The following TPO variants were observed in gnomAD, a reference collection of about 807,000 sequenced individuals.
The protein encoded by TPO is thyroid microsomal antigen.
In TPO, 78 loss-of-function variants were observed where a neutral mutation model predicts 96.9. The observed-to-expected ratio is 0.81, with a 90% CI of 0.67 to 0.97. The LOEUF is 0.97. Among genes scored for constraint, TPO ranks in the 50% least tolerant of loss-of-function variants. TPO has a pLI of 0.00. For missense variants in TPO, 1,252 were observed against 1,274.8 expected, an observed-to-expected ratio of 0.98 and a Z score of 0.27; for synonymous variants, 547 against 538.0, an observed-to-expected ratio of 1.02 and a Z score of -0.23.
intron 5 of TPO, among the ~76,000 whole-genome samples, chr2:1,440,169 TGCTGCGTTTCCAC>T (rs1666023616): frequency 1.3e-5 from 2 of 148,966 alleles, no homozygotes; most frequent in African/African-American, 5.2e-5. Context: ...GTTTCCACCG[TGCTGCGTTTCCAC>T]CGTGCTGCAT....
At chr2:1,511,257 C>A (rs796268304) in intron 14 of TPO, among the ~76,000 whole-genome samples, 554 of 43,802 alleles carry the variant, frequency 0.013, 66 homozygotes, top group South Asian at 0.041. Flanking sequence ...TGCCACAGCG[C>A]AGCCCTGCAG....
chr2:1,420,731 G>T (rs1663426662), intron 2 of TPO, among the ~76,000 whole-genome samples: 1 of 152,122 alleles, frequency 6.6e-6, no homozygotes, highest in Non-Finnish European at 1.5e-5. Flanking sequence ...GGTGACAGCA[G>T]GAGGGACAGA....
chr2:1,515,615 G>C (rs368798962), intron 14 of TPO, among the ~76,000 whole-genome samples: 11 of 152,164 alleles, frequency 7.2e-5, no homozygotes, highest in East Asian at 5.8e-4. Context: ...GGCTGGGAAA[G>C]ACCCATGATA....
intron 15 of TPO, among the ~76,000 whole-genome samples, chr2:1,524,191 CCTGTGTGCAACCTCCTCAAATCCACCCCA>C (rs1330437558): frequency 1.6e-3 from 195 of 124,882 alleles, no homozygotes; most frequent in African/African-American, 5.7e-3. Flanking sequence ...AAATCCCCAT[CCTGTGTGCAACCTCCTCAAATCCACCCCA>C]CTGTGTGCAA....
At chr2:1,532,249 T>TG (rs1344744650) in intron 15 of TPO, among the ~76,000 whole-genome samples, 1 of 13,614 alleles carries the variant, frequency 7.3e-5, no homozygotes, top group African/African-American at 2.9e-4. Context: ...TGCAACCTCC[T>TG]CAAATCCCCC....
chr2:1,540,867 GTTTT>G, intron 16 of TPO, 144 bp downstream of exon 16: 1 of 1,553,288 alleles, frequency 6.4e-7, no homozygotes, highest in Non-Finnish European at 8.7e-7. Context: ...CCTCCGGGAG[GTTTT>G]ATTTACAAGC....
intron 12 of TPO, 79 bp from the exon 13 acceptor site, chr2:1,496,516 G>A (rs936247878): frequency 2.6e-5 from 41 of 1,594,938 alleles, no homozygotes; most frequent in Admixed American, 3.4e-5. Flanking sequence ...GGGCACAAGC[G>A]CACCCGTGAC....
At chr2:1,436,668 A>G (rs1238838493) in intron 5 of TPO, among the ~76,000 whole-genome samples, 3 of 152,196 alleles carry the variant, frequency 2.0e-5, no homozygotes, top group Non-Finnish European at 4.4e-5. Flanking sequence ...CCTTCACCTA[A>G]GAGCTCAAGC....
At chr2:1,461,546 TGAAAA>T (rs1249506630) in intron 7 of TPO, among the ~76,000 whole-genome samples, 6 of 151,774 alleles carry the variant, frequency 4.0e-5, no homozygotes, top group African/African-American at 1.5e-4. Context: ...CGAGTGGGAG[TGAAAA>T]GCAAAAGTGA....
intron 11 of TPO, among the ~76,000 whole-genome samples, chr2:1,494,545 C>T (rs1438580587): frequency 6.6e-6 from 1 of 152,170 alleles, no homozygotes; most frequent in Non-Finnish European, 1.5e-5. Context: ...CTTTGCCTGC[C>T]TCATGCATGT....
chr2:1,403,697 G>A (rs973510943), intron 1 of TPO, among the ~76,000 whole-genome samples: 6 of 152,200 alleles, frequency 3.9e-5, no homozygotes, highest in Admixed American at 1.3e-4. Flanking sequence ...ACGTGGTCCC[G>A]TGACAGTCCC....
chr2:1,491,251 C>G (rs367575056), intron 10 of TPO, among the ~76,000 whole-genome samples: 4 of 152,190 alleles, frequency 2.6e-5, no homozygotes, highest in South Asian at 2.1e-4. Context: ...AAGTGATGTT[C>G]TTTCTTCCCA....
intron 7 of TPO, among the ~76,000 whole-genome samples, chr2:1,474,189 G>C (rs1669693473): frequency 6.6e-6 from 1 of 152,106 alleles, no homozygotes; most frequent in African/African-American, 2.4e-5. Context: ...TATTTAACCA[G>C]GAATGGTAAG....
rs941314182 is a variant in TPO at position 1,542,821 on chromosome 2, T to C, written c.*347T>C. The C allele has an allele frequency of 8.6e-6, 4 of 466,312 alleles. No individual in the cohort carries two copies. Among genetic ancestry groups the C allele is most frequent in the East Asian group, 5.1e-5 (1 of 19,768 alleles). The allele number at this position is 466,312 out of a possible 1,614,324, so 28.9% of individuals were successfully genotyped here. A position where few individuals can be genotyped will look rare whatever the true frequency, so the allele number is the denominator to read the frequency against. The stretch of plus-strand genomic sequence containing the variant: ...TCTGATGCCGTGCTCGTCTGCACTC[T>C]GCCCCGGCGGTCCCTCCAGCACTGG... On this transcript the variant is annotated 3_prime_UTR_variant, in exon 17 of 17. Transcript: ENST00000329066.
intron 7 of TPO, among the ~76,000 whole-genome samples, chr2:1,472,311 TC>T (rs1051059418): frequency 6.6e-6 from 1 of 152,048 alleles, no homozygotes; most frequent in Non-Finnish European, 1.5e-5. Flanking sequence ...CTTCCCTTGA[TC>T]CAAATGCTCA....
At chr2:1,405,859 C>T (rs560750969) in intron 1 of TPO, among the ~76,000 whole-genome samples, 2 of 152,318 alleles carry the variant, frequency 1.3e-5, no homozygotes, top group African/African-American at 4.8e-5. Context: ...ATTTATTTTA[C>T]TTAATAGAAG....
At chr2:1,521,455 G>A (rs576817386) in intron 15 of TPO, among the ~76,000 whole-genome samples, 36 of 152,232 alleles carry the variant, frequency 2.4e-4, no homozygotes, top group East Asian at 2.3e-3. Context: ...ATGGGTGACC[G>A]GGTGCCCTCT....
intron 1 of TPO, among the ~76,000 whole-genome samples, chr2:1,377,585 A>G (rs532511463): frequency 1.3e-5 from 2 of 152,348 alleles, no homozygotes; most frequent in East Asian, 1.9e-4. Context: ...CCCAGGGACC[A>G]GGCTGTGAGT....
intron 1 of TPO, among the ~76,000 whole-genome samples, chr2:1,376,691 G>A (rs1341785102): frequency 6.6e-6 from 1 of 152,120 alleles, no homozygotes; most frequent in Admixed American, 6.5e-5. Context: ...CCATGACCGA[G>A]CACCCTTCAC....
Sources: gnomAD v4.1 joint callset for allele counts (sites outside exome capture counted in the v4.1 genomes callset) on GRCh38, gnomAD v4.1.1 for gene constraint, MANE v1.5 for transcripts, NCBI Gene and HGNC (gene_info 2026-07-23, HGNC 2026-07-21) for gene names.